Variants in EHBP1 observed in about 807,000 individuals in gnomAD.
EHBP1 encodes EH domain binding protein 1.
Under a neutral mutation model 144.0 loss-of-function variants are expected in EHBP1, and 55 were observed. That is an observed-to-expected ratio of 0.38 (90% CI 0.31 to 0.48). The LOEUF (loss-of-function observed/expected upper bound fraction) is 0.48, where lower values mean the gene tolerates loss of function less well. Among genes scored for constraint, EHBP1 ranks in the 20% least tolerant of loss-of-function variants. The pLI is 0.98. For missense variants in EHBP1, 1,200 were observed against 1,364.2 expected, an observed-to-expected ratio of 0.88 and a Z score of 1.90; for synonymous variants, 469 against 472.7, an observed-to-expected ratio of 0.99 and a Z score of 0.10.
chr2:62,940,514 A>G (rs777220196), intron 10 of EHBP1, among the ~76,000 whole-genome samples: 6 of 152,208 alleles, frequency 3.9e-5, no homozygotes, highest in Non-Finnish European at 5.9e-5. Context: ...AACCTGCCAC[A>G]TCTGTAAAAT....
intron 7 of EHBP1, among the ~76,000 whole-genome samples, chr2:62,852,393 C>A (rs11893131): frequency 0.63 from 95,644 of 151,652 alleles, 30,299 homozygotes; most frequent in South Asian, 0.7. Context: ...CCTACTGCTT[C>A]ATAATTAACT....
intron 4 of EHBP1, among the ~76,000 whole-genome samples, chr2:62,767,542 C>CA (rs113584710): frequency 2.3e-4 from 35 of 150,488 alleles, no homozygotes; most frequent in East Asian, 3.9e-4. Context: ...ACAAAAAATA[C>CA]AAAAAAAACG....
intron 5 of EHBP1, among the ~76,000 whole-genome samples, chr2:62,791,392 T>A (rs1254905925): frequency 2.0e-5 from 3 of 152,068 alleles, no homozygotes; most frequent in Non-Finnish European, 4.4e-5. Context: ...CATATCTGGC[T>A]TATTCATTTA....
chr2:62,841,220 C>G (rs910900806), intron 7 of EHBP1, among the ~76,000 whole-genome samples: 10 of 151,950 alleles, frequency 6.6e-5, no homozygotes, highest in African/African-American at 2.2e-4. Flanking sequence ...AATCAGCATT[C>G]TCAGTAAACT....
At chr2:62,935,106 G>C (rs1026534741) in intron 10 of EHBP1, among the ~76,000 whole-genome samples, 13 of 152,058 alleles carry the variant, frequency 8.5e-5, no homozygotes, top group Non-Finnish European at 1.6e-4. Context: ...GAGGTGGGTG[G>C]ATCACGAGGT....
At chr2:62,997,290 C>T (rs1266481696) in intron 19 of EHBP1, among the ~76,000 whole-genome samples, 1 of 151,770 alleles carries the variant, frequency 6.6e-6, no homozygotes, top group Non-Finnish European at 1.5e-5. Context: ...GAAAGGATTA[C>T]AGTATATAGC....
At chr2:62,917,773 T>G (rs1023401454) in intron 10 of EHBP1, among the ~76,000 whole-genome samples, 7 of 152,188 alleles carry the variant, frequency 4.6e-5, no homozygotes, top group African/African-American at 1.7e-4. Flanking sequence ...GCAGCCAGAC[T>G]TTTTCATTCT....
intron 1 of EHBP1, among the ~76,000 whole-genome samples, chr2:62,686,329 C>T (rs1032607186): frequency 1.3e-5 from 2 of 152,152 alleles, no homozygotes; most frequent in African/African-American, 2.4e-5. Flanking sequence ...AGCTATTGCT[C>T]GACAAGTTAG....
intron 10 of EHBP1, among the ~76,000 whole-genome samples, chr2:62,901,204 A>G (rs1174041049): frequency 2.0e-5 from 3 of 152,184 alleles, no homozygotes; most frequent in South Asian, 4.1e-4. Flanking sequence ...ATGAGTTACG[A>G]GCCTATTAAA....
chr2:62,904,042 A>G (rs1320098321), intron 10 of EHBP1, among the ~76,000 whole-genome samples: 1 of 152,204 alleles, frequency 6.6e-6, no homozygotes, highest in Non-Finnish European at 1.5e-5. Context: ...ACTACAAGCA[A>G]TATAAGGCTT....
At chr2:63,033,578 A>G (rs1462977953) in intron 19 of EHBP1, among the ~76,000 whole-genome samples, 1 of 152,192 alleles carries the variant, frequency 6.6e-6, no homozygotes, top group East Asian at 1.9e-4. Flanking sequence ...CTTTATAGAT[A>G]GATAATTTTA....
intron 10 of EHBP1, among the ~76,000 whole-genome samples, chr2:62,906,506 A>G (rs180800974): frequency 6.6e-6 from 1 of 152,372 alleles, no homozygotes; most frequent in Admixed American, 6.5e-5. Context: ...ATAGTATACA[A>G]GTATTACACA....
chr2:62,925,186 A>C (rs1384235622), intron 10 of EHBP1, among the ~76,000 whole-genome samples: 1 of 152,208 alleles, frequency 6.6e-6, no homozygotes, highest in Non-Finnish European at 1.5e-5. Context: ...CTTAATAATT[A>C]GGTATAGAAG....
At chr2:62,712,802 A>G (rs530345632) in intron 2 of EHBP1, among the ~76,000 whole-genome samples, 8 of 152,106 alleles carry the variant, frequency 5.3e-5, no homozygotes, top group Non-Finnish European at 1.2e-4. Flanking sequence ...AGAGTGTGAG[A>G]TGCTTGATTT....
chr2:62,694,609 A>G (rs1446521289), intron 1 of EHBP1, among the ~76,000 whole-genome samples: 1 of 152,136 alleles, frequency 6.6e-6, no homozygotes, highest in African/African-American at 2.4e-5. Flanking sequence ...CCTTGTATTA[A>G]GGGTAGACAT....
intron 10 of EHBP1, among the ~76,000 whole-genome samples, chr2:62,897,710 A>G (rs902926862): frequency 1.3e-5 from 2 of 152,170 alleles, no homozygotes; most frequent in South Asian, 2.1e-4. Flanking sequence ...CAAAATTGAA[A>G]TGTATTTTCC....
At chr2:62,831,770 A>G (rs2046838456) in intron 7 of EHBP1, among the ~76,000 whole-genome samples, 4 of 152,204 alleles carry the variant, frequency 2.6e-5, no homozygotes, top group Admixed American at 2.0e-4. Flanking sequence ...AAAATTAAGC[A>G]CAATTTACAT....
chr2:62,955,476 G>GTTTTTTTTTTTTTTTTTTTTT, intron 13 of EHBP1, 41 bp from the exon 14 acceptor site: 1 of 1,361,556 alleles, frequency 7.3e-7, no homozygotes, highest in South Asian at 1.4e-5. Context: ...TAGATTACCC[G>GTTTTTTTTTTTTTTTTTTTTT]TTTTTTTTTT....
At chr2:62,863,469 T>A (rs1376547216) in intron 8 of EHBP1, among the ~76,000 whole-genome samples, 2 of 152,198 alleles carry the variant, frequency 1.3e-5, no homozygotes, top group African/African-American at 4.8e-5. Flanking sequence ...AAAGCACCAT[T>A]GTTTTCAAAT....
Sources: allele counts gnomAD v4.1 joint callset (sites outside exome capture counted in the v4.1 genomes callset), GRCh38; gene constraint gnomAD v4.1.1; transcripts MANE v1.5; gene names NCBI Gene and HGNC (gene_info 2026-07-23, HGNC 2026-07-21).